CTNND1: variants seen among roughly 807,000 people sequenced by gnomAD.
CTNND1 encodes catenin delta-1.
Under a neutral mutation model 112.1 loss-of-function variants are expected in CTNND1, and 16 were observed. That is an observed-to-expected ratio of 0.14 (90% CI 0.10 to 0.22). The LOEUF (loss-of-function observed/expected upper bound fraction) is 0.22. Ranked by LOEUF, CTNND1 falls within the 10% of genes least tolerant of loss-of-function variation. The pLI is 1.00. For missense variants in CTNND1, 1,008 were observed against 1,257.0 expected, an observed-to-expected ratio of 0.80 and a Z score of 3.00; for synonymous variants, 420 against 446.5, an observed-to-expected ratio of 0.94 and a Z score of 0.75.
chr11:57,806,576 C>A, intron 11 of CTNND1, 98 bp downstream of exon 11: 2 of 1,136,966 alleles, frequency 1.8e-6, no homozygotes, highest in Non-Finnish European at 2.6e-6. Flanking sequence ...CCTGTCTATG[C>A]ATGTAGGAAA....
At chr11:57,815,741 A>G (rs1287328568) in intron 19 of CTNND1, 174 bp from the exon 20 acceptor site, 4 of 767,328 alleles carry the variant, frequency 5.2e-6, no homozygotes, top group East Asian at 4.9e-5. Flanking sequence ...TAACTGATCT[A>G]CTTTCAAACA....
intron 16 of CTNND1, 67 bp from the exon 17 acceptor site, chr11:57,811,332 C>T (rs2049694036): frequency 1.6e-6 from 2 of 1,265,924 alleles, no homozygotes; most frequent in Non-Finnish European, 2.3e-6. Flanking sequence ...AGGTTTATGC[C>T]CATTAGAGCA....
chr11:57,816,191 C>G, intron 20 of CTNND1, 106 bp from the exon 21 acceptor site: 1 of 1,403,852 alleles, frequency 7.1e-7, no homozygotes, highest in Non-Finnish European at 1.0e-6. Context: ...ATCTGATTCT[C>G]CGTTATGTGC....
chr11:57,815,596 C>A, intron 19 of CTNND1, 96 bp downstream of exon 19: 1 of 1,078,370 alleles, frequency 9.3e-7, no homozygotes. Context: ...AGAGAAAGAT[C>A]GCATCCTTTT....
intron 4 of CTNND1, among the ~76,000 whole-genome samples, chr11:57,794,965 G>A (rs1004887629): frequency 6.6e-5 from 10 of 151,746 alleles, no homozygotes; most frequent in Non-Finnish European, 2.9e-5. Flanking sequence ...TTGGGAGGCT[G>A]AGGCTGGAGG....
chr11:57,789,361 T>A (rs2060452993), intron 2 of CTNND1, among the ~76,000 whole-genome samples: 1 of 152,224 alleles, frequency 6.6e-6, no homozygotes, highest in Non-Finnish European at 1.5e-5. Flanking sequence ...ATAAAGTCTT[T>A]CATAGCTATA....
chr11:57,797,972 T>C (rs545777841), intron 6 of CTNND1, among the ~76,000 whole-genome samples: 2 of 152,180 alleles, frequency 1.3e-5, no homozygotes, highest in African/African-American at 2.4e-5. Flanking sequence ...TTTGGTGTGT[T>C]AGGCAGAGGA....
Position 57,763,687 on chromosome 11 carries a change from A to G in CTNND1, c.-214+1568A>G, listed in dbSNP as rs77736623. Among the ~76,000 whole-genome samples the G allele has an allele frequency of 8.4e-3, 1,277 of 152,302 alleles. 11 individuals carry two copies. Among genetic ancestry groups the G allele is most frequent in the Non-Finnish European group, 0.014 (985 of 68,028 alleles). On this transcript the variant is annotated intron_variant, in intron 1 of 20. Transcript: ENST00000399050. ...TAATATTTTCCAAATTTTCTTTCAAATGTTCTCTCTGCCTTGACTCCAGCC... is the reference window on the plus strand; with the variant it reads ...TAATATTTTCCAAATTTTCTTTCAAGTGTTCTCTCTGCCTTGACTCCAGCC...
intron 6 of CTNND1, among the ~76,000 whole-genome samples, chr11:57,799,536 T>C (rs539490145): frequency 1.4e-4 from 22 of 152,336 alleles, no homozygotes; most frequent in Non-Finnish European, 3.1e-4. Context: ...GAGGCAGTGA[T>C]TAGTGGAAAA....
At chr11:57,765,014 C>CT (rs1950726859) in intron 1 of CTNND1, among the ~76,000 whole-genome samples, 1 of 152,198 alleles carries the variant, frequency 6.6e-6, no homozygotes, top group Non-Finnish European at 1.5e-5. Context: ...GAACGAGAAT[C>CT]TTTCCATATC....
intron 1 of CTNND1, among the ~76,000 whole-genome samples, chr11:57,768,296 C>T (rs1247902510): frequency 2.0e-5 from 3 of 149,152 alleles, no homozygotes; most frequent in Admixed American, 6.7e-5. Flanking sequence ...TTCAAAACAA[C>T]GGTAGTATGA....
In CTNND1 at chr11:57,816,424, C is replaced by T; in HGVS notation, c.*116C>T. The stretch of plus-strand genomic sequence containing the variant: ...TATTGTGCCAACTGCCAGGCTGCCT[C>T]CTGCCCTTACAGCCCTAAGTGGCTG... On this transcript the variant is annotated 3_prime_UTR_variant, in exon 21 of 21. Transcript: ENST00000399050. 7.6e-7 allele frequency: 1 copy of T among 1,324,106 alleles called. No individual in the cohort carries two copies. The highest frequency in any genetic ancestry group is 1.1e-6 in the Non-Finnish European group (1 of 926,992). 82.0% of individuals were successfully genotyped at this position (1,324,106 alleles called of 1,614,324 possible).
At chr11:57,765,372 A>C (rs550532960) in intron 1 of CTNND1, among the ~76,000 whole-genome samples, 55 of 152,280 alleles carry the variant, frequency 3.6e-4, no homozygotes, top group African/African-American at 1.3e-3. Context: ...AAAGGAAGCA[A>C]AACAACATAG....
intron 2 of CTNND1, 40 bp from the exon 3 acceptor site, chr11:57,791,345 T>G (rs1043147388): frequency 2.5e-5 from 33 of 1,329,412 alleles, no homozygotes; most frequent in Non-Finnish European, 3.1e-5. Context: ...TTCTCTGACC[T>G]GTGACCTTTT....
chr11:57,763,657 T>G (rs545699595), intron 1 of CTNND1, among the ~76,000 whole-genome samples: 8 of 152,336 alleles, frequency 5.3e-5, no homozygotes, highest in Admixed American at 2.0e-4. Context: ...ACTGTAGTTC[T>G]TGTTTAATAT....
chr11:57,762,205 A>G (rs77242174), intron 1 of CTNND1, 86 bp downstream of exon 1: 1 of 587,728 alleles, frequency 1.7e-6, no homozygotes, highest in African/African-American at 2.0e-5. Flanking sequence ...TACTTTCAGT[A>G]CTTTGGCGGG....
At chr11:57,796,151 CTGAGG>C (rs952034286) in intron 5 of CTNND1, among the ~76,000 whole-genome samples, 3 of 152,154 alleles carry the variant, frequency 2.0e-5, no homozygotes, top group Admixed American at 2.0e-4. Flanking sequence ...CTGTGGGAGG[CTGAGG>C]TGGGCGGATC....
chr11:57,801,699 G>C, intron 6 of CTNND1, 34 bp from the exon 7 acceptor site: 1 of 1,560,050 alleles, frequency 6.4e-7, no homozygotes, highest in Non-Finnish European at 8.8e-7. Context: ...ATAATGACTT[G>C]ATGTATTCTC....
intron 1 of CTNND1, among the ~76,000 whole-genome samples, chr11:57,776,077 G>A (rs762733281): frequency 3.3e-5 from 5 of 152,166 alleles, no homozygotes; most frequent in East Asian, 1.9e-4. Flanking sequence ...AGAGGGGAGT[G>A]GATGACAGAG....
Sources: gnomAD v4.1 joint callset for allele counts (sites outside exome capture counted in the v4.1 genomes callset) on GRCh38, gnomAD v4.1.1 for gene constraint, MANE v1.5 for transcripts, NCBI Gene and HGNC (gene_info 2026-07-23, HGNC 2026-07-21) for gene names.